Variants in C21orf91 observed in about 807,000 individuals in gnomAD.
C21orf91 encodes the protein chromosome 21 open reading frame 91.
Under a neutral mutation model 32.9 loss-of-function variants are expected in C21orf91, and 26 were observed. That is an observed-to-expected ratio of 0.79 (90% CI 0.58 to 1.10). C21orf91 has a LOEUF of 1.10. C21orf91 is among the 50% of genes least tolerant of loss of function. The pLI, the probability that C21orf91 is intolerant of heterozygous loss-of-function variation, is 0.00. For synonymous variants in C21orf91, 126 were observed against 120.4 expected, an observed-to-expected ratio of 1.05 and a Z score of -0.31; for missense variants, 310 against 341.3, an observed-to-expected ratio of 0.91 and a Z score of 0.72.
chr21:17,793,532 G>C lies in C21orf91; in HGVS notation c.777C>G (p.Ala259=), dbSNP rs780460019. 1 of 1,613,600 alleles carries C rather than the reference G, an allele frequency of 6.2e-7. No individual in the cohort carries two copies. The highest frequency in any genetic ancestry group is 1.1e-5 in the South Asian group (1 of 91,062). ...THQVQEKDSL[A]SQLHVRHVAI... The stretch of plus-strand genomic sequence containing the variant: ...CAACGTGGCGGACATGGAGCTGTGA[G>C]GCCAAAGAATCTTTTTCTTGCACTT... The change falls in exon 5 of 5, where the codon GCC becomes GCG. Residue 259 remains alanine (A), a synonymous_variant. Transcript: ENST00000284881.
At chr21:17,805,543 A>T (rs538173668) in intron 2 of C21orf91, among the ~76,000 whole-genome samples, 41 of 152,262 alleles carry the variant, frequency 2.7e-4, no homozygotes, top group African/African-American at 9.9e-4. Flanking sequence ...CAAACTCCTG[A>T]TATCAGGTGA....
At chr21:17,799,760 G>A (rs545374122) in intron 2 of C21orf91, among the ~76,000 whole-genome samples, 1 of 152,184 alleles carries the variant, frequency 6.6e-6, no homozygotes, top group East Asian at 1.9e-4. Context: ...TGAAAAATAT[G>A]GACCATGTCT....
intron 2 of C21orf91, among the ~76,000 whole-genome samples, chr21:17,799,716 G>A (rs534890054): frequency 1.3e-5 from 2 of 151,924 alleles, no homozygotes; most frequent in Non-Finnish European, 1.5e-5. Context: ...TGCCTCTTTC[G>A]CGGCCTGTAT....
At position 17,791,257 on chromosome 21, in the gene C21orf91, C is replaced by T. The variant is rs2062471790; in HGVS notation, c.*2158G>A. 6.6e-6 allele frequency: 1 copy of T among 152,064 alleles called. No homozygotes were observed. Among genetic ancestry groups the T allele is most frequent in the South Asian group, 2.1e-4 (1 of 4,822 alleles). The allele number at this position is 152,064 out of a possible 1,614,324, so 9.4% of individuals were successfully genotyped here. ...CCAAATAAAGTAGTGTGAGTACCAG[C>T]ACCACAAAGTTTTTTTTAAGAGCAC... On this transcript the variant is annotated 3_prime_UTR_variant, in exon 5 of 5. Coordinates refer to ENST00000284881, the MANE Select transcript of C21orf91 (RefSeq NM_001100420.2).
At chr21:17,815,284 A>G (rs2062658006) in intron 2 of C21orf91, among the ~76,000 whole-genome samples, 1 of 152,176 alleles carries the variant, frequency 6.6e-6, no homozygotes, top group African/African-American at 2.4e-5. Context: ...AAGAGAATTT[A>G]TTTTTACTCA....
intron 2 of C21orf91, 197 bp downstream of exon 2, chr21:17,817,995 A>T (rs184679757): frequency 5.2e-5 from 21 of 402,252 alleles, no homozygotes; most frequent in Non-Finnish European, 7.4e-5. Flanking sequence ...TCTTTAAAAA[A>T]AAAAGATTTC....
chr21:17,792,828 T>C lies in C21orf91; in HGVS notation c.*587A>G, dbSNP rs1240472567. On this transcript the variant is annotated 3_prime_UTR_variant, in exon 5 of 5. Coordinates refer to ENST00000284881, the MANE Select transcript of C21orf91 (RefSeq NM_001100420.2). ...ATTTCTAATCCAAAATATATTTATCTTTGGAAAGCAAGGTAACCGTTGTGA... is the reference window on the plus strand; with the variant it reads ...ATTTCTAATCCAAAATATATTTATCCTTGGAAAGCAAGGTAACCGTTGTGA... 6.6e-6 allele frequency: 1 copy of C among 152,618 alleles called. No homozygotes were observed. Among genetic ancestry groups the C allele is most frequent in the Non-Finnish European group, 1.5e-5 (1 of 68,034 alleles). 9.5% of individuals were successfully genotyped at this position (152,618 alleles called of 1,614,324 possible).
At chr21:17,818,085 T>TA in intron 2 of C21orf91, 107 bp downstream of exon 2, 1 of 763,558 alleles carries the variant, frequency 1.3e-6, no homozygotes. Flanking sequence ...TATTCATACT[T>TA]AGCACAATTT....
chr21:17,818,716 A>AAACAGG (rs1328293233), intron 1 of C21orf91: 1 of 160,334 alleles, frequency 6.2e-6, no homozygotes, highest in Admixed American at 6.3e-5. Flanking sequence ...ACGCTGTGAG[A>AAACAGG]AACAGGAAAA....
intron 2 of C21orf91, among the ~76,000 whole-genome samples, chr21:17,806,379 GAA>G (rs869105295): frequency 3.9e-5 from 6 of 152,194 alleles, no homozygotes; most frequent in Non-Finnish European, 8.8e-5. Flanking sequence ...GGAAAAAAGG[GAA>G]AAGTTTTTTT....
At chr21:17,799,904 T>C (rs1440824042) in intron 2 of C21orf91, among the ~76,000 whole-genome samples, 6 of 152,178 alleles carry the variant, frequency 3.9e-5, no homozygotes, top group Non-Finnish European at 1.5e-5. Flanking sequence ...CAAGGTCCCT[T>C]GCAAGGTCCC....
At chr21:17,818,128 C>A in intron 2 of C21orf91, 64 bp downstream of exon 2, 3 of 1,212,074 alleles carry the variant, frequency 2.5e-6, no homozygotes, top group Non-Finnish European at 3.5e-6. Flanking sequence ...TTTTACCTTA[C>A]AATCAGTACA....
At position 17,789,253 on chromosome 21, in the gene C21orf91, T is replaced by TAACACACACACACACACACACACACA. The variant is rs201696665; in HGVS notation, c.*4161_*4162insTGTGTGTGTGTGTGTGTGTGTGTGTT. The TAACACACACACACACACACACACACA allele has an allele frequency of 1.3e-5, 2 of 149,850 alleles. No homozygotes were observed. Among genetic ancestry groups the TAACACACACACACACACACACACACA allele is most frequent in the African/African-American group, 4.9e-5 (2 of 40,546 alleles). 9.3% of individuals were successfully genotyped at this position (149,850 alleles called of 1,614,324 possible). ...ATACGCTACTGTTTTAAAGCAAGGT[T>TAACACACACACACACACACACACACA]CACACACACACACACACACACACAC... On this transcript the variant is annotated 3_prime_UTR_variant, in exon 5 of 5. Coordinates refer to ENST00000284881, the MANE Select transcript of C21orf91 (RefSeq NM_001100420.2).
chr21:17,808,204 G>A (rs751923764), intron 2 of C21orf91, among the ~76,000 whole-genome samples: 3 of 152,248 alleles, frequency 2.0e-5, no homozygotes, highest in Non-Finnish European at 4.4e-5. Flanking sequence ...TTCAGCTCCA[G>A]CCATGGCTAA....
At position 17,791,262 on chromosome 21, in the gene C21orf91, C is replaced by T. The variant is rs2052866310; in HGVS notation, c.*2153G>A. 1 of 152,036 alleles carries T rather than the reference C, an allele frequency of 6.6e-6. No individual in the cohort carries two copies. Among genetic ancestry groups the T allele is most frequent in the Non-Finnish European group, 1.5e-5 (1 of 67,958 alleles). The allele number at this position is 152,036 out of a possible 1,614,324, so 9.4% of individuals were successfully genotyped here. On this transcript the variant is annotated 3_prime_UTR_variant, in exon 5 of 5. Transcript: ENST00000284881. ...TAAAGTAGTGTGAGTACCAGCACCA[C>T]AAAGTTTTTTTTAAGAGCACCTCTC...
At chr21:17,809,704 T>G (rs989649836) in intron 2 of C21orf91, among the ~76,000 whole-genome samples, 1 of 152,204 alleles carries the variant, frequency 6.6e-6, no homozygotes, top group African/African-American at 2.4e-5. Flanking sequence ...TCCTCTCATG[T>G]AAGCCTCATG....
chr21:17,815,955 G>T (rs534495819), intron 2 of C21orf91, among the ~76,000 whole-genome samples: 1 of 152,030 alleles, frequency 6.6e-6, no homozygotes, highest in East Asian at 1.9e-4. Context: ...CTACTGTGCC[G>T]GCCTACAAAA....
rs2062523993 is a variant in C21orf91 at position 17,796,969 on chromosome 21, T to C, written c.277A>G (p.Lys93Glu). 6.2e-7 allele frequency: 1 copy of C among 1,613,820 alleles called. No homozygotes were observed. Among genetic ancestry groups the C allele is most frequent in the Non-Finnish European group, 8.5e-7 (1 of 1,179,798 alleles). The change falls in exon 3 of 5, where the codon AAG becomes GAG. Residue 93 changes from lysine to glutamate, a missense_variant. By Grantham distance (56) the Lys-to-Glu change is moderately conservative. Coordinates refer to ENST00000284881, the MANE Select transcript of C21orf91 (RefSeq NM_001100420.2). ...YEEVKTILSKKINWIVQYAQN... is the reference protein window; with the variant it reads ...YEEVKTILSKEINWIVQYAQN... ...GCATACTGCACAATCCAGTTTATCT[T>C]CTTACTCAAAATGGTTTTAACTTCT...
At chr21:17,800,348 GACT>G (rs1184882275) in intron 2 of C21orf91, among the ~76,000 whole-genome samples, 3 of 152,100 alleles carry the variant, frequency 2.0e-5, no homozygotes, top group South Asian at 2.1e-4. Context: ...ATAAAACACT[GACT>G]ACTTCATATA....
Sources: allele counts gnomAD v4.1 joint callset (sites outside exome capture counted in the v4.1 genomes callset), GRCh38; gene constraint gnomAD v4.1.1; transcripts MANE v1.5; gene names NCBI Gene and HGNC (gene_info 2026-07-23, HGNC 2026-07-21).